Variants in CDKL3 observed in about 807,000 individuals in gnomAD.
CDKL3 encodes the protein cyclin dependent kinase like 3, also known as cyclin-dependent kinase-like 3.
Under a neutral mutation model 69.3 loss-of-function variants are expected in CDKL3, and 65 were observed. The ratio of observed to expected loss-of-function variants is 0.94; its 90% CI spans 0.77 to 1.15. CDKL3 has a LOEUF of 1.15. Among genes scored for constraint, CDKL3 ranks in the 50% most tolerant of loss-of-function variants. The pLI is 0.00. For synonymous variants in CDKL3, 202 were observed against 221.6 expected (o/e 0.91, Z 0.79); for missense variants, 652 against 689.2 (o/e 0.95, Z 0.61).
In CDKL3 at chr5:134,350,313, C is replaced by T. The variant is rs1329708154; in HGVS notation, c.475G>A (p.Asp159Asn). 6.3e-7 allele frequency: 1 copy of T among 1,594,448 alleles called. No individual in the cohort carries two copies. The change falls in exon 4 of 13, where the codon GAC becomes AAC. Residue 159 changes from aspartate (D) to asparagine (N), a missense_variant. Asp to Asn is a conservative substitution (Grantham distance 23, BLOSUM62 1). Coordinates refer to ENST00000265334, the MANE Select transcript of CDKL3 (RefSeq NM_001113575.2). ...TLAAPGDIYT[D>N]YVATRWYRAP... ...CTATACCAGCGTGTGGCCACATAGT[C>T]CGTATAAATGTCCCCAGGAGCTGCT... is the stretch of plus-strand genomic sequence containing the variant.
At chr5:134,349,693 G>A (rs998543705) in intron 4 of CDKL3, among the ~76,000 whole-genome samples, 5 of 152,202 alleles carry the variant, frequency 3.3e-5, no homozygotes, top group Admixed American at 3.3e-4. Flanking sequence ...TGTCTGCATA[G>A]GTCTTCTGGA....
Position 134,366,997 on chromosome 5 carries a change from C to T in CDKL3, c.-42G>A, listed in dbSNP as rs1381560055. ...CGGACCGGCGTCACGCCCCACGTCC[C>T]GCTGTTGACTTTATCCAAACAGCCG... On this transcript the variant is annotated 5_prime_UTR_variant, in exon 1 of 13. Transcript: ENST00000265334. 2.0e-6 allele frequency: 2 copies of T among 989,276 alleles called. No homozygotes were observed. The highest frequency in any genetic ancestry group is 1.1e-4 in the East Asian group (1 of 8,950). 61.3% of individuals were successfully genotyped at this position (989,276 alleles called of 1,614,324 possible). A position where few individuals can be genotyped will look rare whatever the true frequency, so the allele number is the denominator to read the frequency against.
chr5:134,367,271 T>G, upstream of CDKL3: 1 of 984,448 alleles, frequency 1.0e-6, no homozygotes, highest in Non-Finnish European at 1.2e-6. Flanking sequence ...GGTGGAAGAG[T>G]GCTGTGCTTG....
intron 6 of CDKL3, among the ~76,000 whole-genome samples, chr5:134,316,866 C>G (rs1771224440): frequency 6.6e-6 from 1 of 152,038 alleles, no homozygotes; most frequent in Non-Finnish European, 1.5e-5. Flanking sequence ...TTCTATGCAT[C>G]TACTTGGTTG....
At chr5:134,365,782 C>T (rs928988130) in intron 2 of CDKL3, among the ~76,000 whole-genome samples, 1 of 152,200 alleles carries the variant, frequency 6.6e-6, no homozygotes, top group African/African-American at 2.4e-5. Flanking sequence ...GTCCTTTCCA[C>T]TTTGCCCTTT....
chr5:134,366,314 CA>C, intron 2 of CDKL3, 44 bp downstream of exon 2: 1 of 1,394,086 alleles, frequency 7.2e-7, no homozygotes, highest in Non-Finnish European at 9.7e-7. Flanking sequence ...TATTCCATAA[CA>C]ATTTTTTCTT....
At chr5:134,333,738 C>A (rs1255397615) in intron 4 of CDKL3, among the ~76,000 whole-genome samples, 1 of 152,176 alleles carries the variant, frequency 6.6e-6, no homozygotes. Context: ...AGGATTTTTG[C>A]ATCAATGTTC....
chr5:134,331,317 T>A (rs890851848), intron 4 of CDKL3, among the ~76,000 whole-genome samples: 1 of 152,218 alleles, frequency 6.6e-6, no homozygotes. Context: ...ATTTATTTTT[T>A]AAATTACTAT....
chr5:134,301,744 G>C (rs899316864), intron 12 of CDKL3, among the ~76,000 whole-genome samples: 1 of 152,028 alleles, frequency 6.6e-6, no homozygotes, highest in African/African-American at 2.4e-5. Flanking sequence ...AAAAATAGCT[G>C]GGTGTGGTGG....
At chr5:134,362,590 A>C (rs553815728) in intron 2 of CDKL3, among the ~76,000 whole-genome samples, 1 of 152,288 alleles carries the variant, frequency 6.6e-6, no homozygotes, top group South Asian at 2.1e-4. Flanking sequence ...AGTCCAAGAA[A>C]TCTCTCCAGT....
chr5:134,288,905 A>T (rs555815240), intron 8 of CDKL3, among the ~76,000 whole-genome samples: 1 of 152,074 alleles, frequency 6.6e-6, no homozygotes, highest in Non-Finnish European at 1.5e-5. Flanking sequence ...CTCTCATAAT[A>T]TGTGACTTTA....
chr5:134,304,380 G>A, intron 11 of CDKL3, 25 bp downstream of exon 11: 1 of 1,539,516 alleles, frequency 6.5e-7, no homozygotes, highest in Admixed American at 1.9e-5. Context: ...CATCATAATT[G>A]TAAAGCTATG....
rs767603153 is a variant in CDKL3, at chr5:134,319,425, AC to A, written c.724del (p.Val242PhefsTer21). ...PIFAGVVLPQVQHPKNARKKY... is the reference protein window; with the variant it reads ...PIFAGVVLPQXQHPKNARKKY... The stretch of plus-strand genomic sequence containing the variant: ...TTTTCTTGCATTTTTGGGGTGTTGA[AC>A]TTGAGGAAGAACTACCCCAGCAAAA... On this transcript the variant is annotated frameshift_variant, in exon 6 of 13. Coordinates refer to ENST00000265334, the MANE Select transcript of CDKL3 (RefSeq NM_001113575.2). LOFTEE classifies it high-confidence loss of function. 28 of 1,543,688 alleles carry A rather than the reference AC, an allele frequency of 1.8e-5. No homozygotes were observed. In the African/African-American group the frequency reaches 3.6e-4, roughly 20 times the overall value.
intron 2 of CDKL3, among the ~76,000 whole-genome samples, chr5:134,365,557 C>A (rs969989641): frequency 1.3e-5 from 2 of 152,162 alleles, no homozygotes; most frequent in African/African-American, 4.8e-5. Context: ...TATTTTTACT[C>A]TTAGTCCTCC....
chr5:134,292,049 C>A, intron 8 of CDKL3, among the ~76,000 whole-genome samples: 1 of 152,112 alleles, frequency 6.6e-6, no homozygotes, highest in East Asian at 1.9e-4. Context: ...CAACAGTCTT[C>A]CCTCAGCAAT....
At chr5:134,309,508 T>C (rs1175176850) in intron 7 of CDKL3, among the ~76,000 whole-genome samples, 1 of 152,232 alleles carries the variant, frequency 6.6e-6, no homozygotes, top group Non-Finnish European at 1.5e-5. Context: ...TTGATTTCTT[T>C]CTTTTTAAAA....
At chr5:134,371,487 G>A, upstream of CDKL3, 1 of 1,409,494 alleles carries the variant, frequency 7.1e-7, no homozygotes. Flanking sequence ...CGGCGGCGGC[G>A]GCGGCGGCGG....
In CDKL3 at chr5:134,299,791, G is replaced by C. The variant is rs772494821; in HGVS notation, c.1720-1081C>G. The C allele has an allele frequency of 1.3e-4, 176 of 1,304,852 alleles. 1 individual carries two copies. In the Middle Eastern group the frequency reaches 5.7e-3, roughly 42 times the overall value. The allele number at this position is 1,304,852 out of a possible 1,614,324, so 80.8% of individuals were successfully genotyped here. Reference sequence around the variant, plus strand: ...AAACAGGTCTTTAATTGAGGACATGGTGAGTCTTTGGCTAAGGAAATACAG... The same window carrying C: ...AAACAGGTCTTTAATTGAGGACATGCTGAGTCTTTGGCTAAGGAAATACAG... On this transcript the variant is annotated intron_variant, in intron 12 of 12. Coordinates refer to ENST00000265334, the MANE Select transcript of CDKL3 (RefSeq NM_001113575.2).
chr5:134,302,972 T>A (rs1482275932), intron 11 of CDKL3, among the ~76,000 whole-genome samples: 1 of 152,204 alleles, frequency 6.6e-6, no homozygotes, highest in Non-Finnish European at 1.5e-5. Flanking sequence ...TCTTGAACTG[T>A]ACAAGGATGA....
Sources: gnomAD v4.1 joint callset for allele counts (sites outside exome capture counted in the v4.1 genomes callset) on GRCh38, gnomAD v4.1.1 for gene constraint, MANE v1.5 for transcripts, NCBI Gene and HGNC (gene_info 2026-07-23, HGNC 2026-07-21) for gene names.